Variants in PRKG1 observed in about 807,000 individuals in gnomAD.
PRKG1 encodes protein kinase cGMP-dependent 1.
In PRKG1, 35 loss-of-function variants were observed where a neutral mutation model predicts 88.1. The observed-to-expected ratio is 0.40, with a 90% confidence interval of 0.30 to 0.53. The LOEUF (loss-of-function observed/expected upper bound fraction) is 0.53, where lower values mean the gene tolerates loss of function less well. Among genes scored for constraint, PRKG1 ranks in the 20% least tolerant of loss-of-function variants. The probability of loss-of-function intolerance (pLI) is 0.59; values close to 1 mark genes in which losing one functional copy is unlikely to be tolerated. For synonymous variants in PRKG1, 303 were observed against 292.5 expected (o/e 1.04, Z -0.37); for missense variants, 540 against 839.8 (o/e 0.64, Z 4.41).
At chr10:51,627,953 T>A (rs146096595) in intron 3 of PRKG1, among the ~76,000 whole-genome samples, 3 of 33,910 alleles carry the variant, frequency 8.8e-5, no homozygotes, top group Middle Eastern at 0.019. Context: ...TTTCTTTCTT[T>A]CTTTCTTTCT....
chr10:50,991,170 C>T lies in PRKG1; in HGVS notation c.-209C>T. 1.6e-6 allele frequency: 1 copy of T among 617,104 alleles called. No homozygotes were observed. Among genetic ancestry groups the T allele is most frequent in the Non-Finnish European group, 2.6e-6 (1 of 380,218 alleles). 38.2% of individuals were successfully genotyped at this position (617,104 alleles called of 1,614,324 possible). On this transcript the variant is annotated 5_prime_UTR_variant, in exon 1 of 18. Coordinates refer to the PRKG1 transcript ENST00000401604. This position sits in a 1 kb window ranked among gnomAD's most constrained non-coding sequence, Gnocchi z 4.5. ...GCTTTTAGACTTCTCATCCTCCCCT[C>T]GGTGCTTTTAGTCCATTCAGCAGAA...
intron 3 of PRKG1, among the ~76,000 whole-genome samples, chr10:51,644,624 C>T (rs1272689016): frequency 6.6e-6 from 1 of 151,994 alleles, no homozygotes; most frequent in East Asian, 1.9e-4. Flanking sequence ...ATAAGATGGT[C>T]CAGACTTATC....
chr10:51,104,698 T>TTTTATTTATTTATTTA (rs35238475), intron 1 of PRKG1, among the ~76,000 whole-genome samples: 2 of 136,154 alleles, frequency 1.5e-5, no homozygotes. Context: ...TTTATTTTTA[T>TTTTATTTATTTATTTA]TTTATTTATT....
chr10:51,205,244 A>G lies in PRKG1; in HGVS notation c.478+51914A>G, dbSNP rs1838026252. Among the ~76,000 whole-genome samples the G allele has an allele frequency of 3.4e-5, 5 of 145,308 alleles. No homozygotes were observed. In the Admixed American group the frequency reaches 3.6e-4, roughly 10 times the overall value. ...CACCTCTGCCTCCCAGGTTCAAGCA[A>G]TTCTCCTGCCTCAGCTTCCAGAGTA... On this transcript the variant is annotated intron_variant, in intron 2 of 17. Coordinates refer to ENST00000373980, the MANE Select transcript of PRKG1 (RefSeq NM_006258.4).
intron 3 of PRKG1, among the ~76,000 whole-genome samples, chr10:51,667,027 C>T (rs1390268824): frequency 6.6e-6 from 1 of 152,036 alleles, no homozygotes; most frequent in African/African-American, 2.4e-5. Context: ...GTCTCGAACT[C>T]CTGGGCTCAA....
At chr10:51,904,522 T>G (rs1367298880) in intron 4 of PRKG1, among the ~76,000 whole-genome samples, 1 of 152,112 alleles carries the variant, frequency 6.6e-6, no homozygotes. Flanking sequence ...AGCAAATTAA[T>G]TACGTGACAG....
intron 7 of PRKG1, among the ~76,000 whole-genome samples, chr10:52,063,621 A>T (rs886905552): frequency 1.4e-4 from 22 of 152,322 alleles, no homozygotes; most frequent in Admixed American, 1.2e-3. Context: ...AGACAAGTGG[A>T]GGTTGAACAG....
At chr10:52,088,782 T>C (rs1435122375) in intron 7 of PRKG1, among the ~76,000 whole-genome samples, 2 of 152,184 alleles carry the variant, frequency 1.3e-5, no homozygotes, top group Admixed American at 1.3e-4. Flanking sequence ...CATTATTTGT[T>C]TCTATGTTAT....
Position 51,823,899 on chromosome 10 carries a change from G to T in PRKG1, c.698+19209G>T, listed in dbSNP as rs554822925. Among the ~76,000 whole-genome samples the T allele has an allele frequency of 3.6e-4, 35 of 97,126 alleles. 1 individual carries two copies. In the South Asian group the frequency reaches 9.9e-3, roughly 27 times the overall value. The allele number at this position is 97,126 out of a possible 152,430, so 63.7% of individuals were successfully genotyped here. ...TTTTTTTTTTTTTTTTTTAAGACAA[G>T]ATCTTGCTCTGTCACCTGGGCTAGA... On this transcript the variant is annotated intron_variant, in intron 4 of 17. Coordinates refer to ENST00000373980, the MANE Select transcript of PRKG1 (RefSeq NM_006258.4).
At chr10:51,839,190 A>C (rs990893801) in intron 4 of PRKG1, among the ~76,000 whole-genome samples, 1 of 152,154 alleles carries the variant, frequency 6.6e-6, no homozygotes, top group Non-Finnish European at 1.5e-5. Context: ...TTCAGAATTA[A>C]AATGATTTTG....
At chr10:52,293,120 GACAA>G (rs1180779168) in intron 17 of PRKG1, among the ~76,000 whole-genome samples, 1 of 148,956 alleles carries the variant, frequency 6.7e-6, no homozygotes, top group Non-Finnish European at 1.5e-5. Flanking sequence ...ACCAATAACA[GACAA>G]ACAGAGAGCC....
At position 51,225,722 on chromosome 10, in the gene PRKG1, C is replaced by T. The variant is rs527763630; in HGVS notation, c.478+72392C>T. On this transcript the variant is annotated intron_variant, in intron 2 of 17. Coordinates refer to ENST00000373980, the MANE Select transcript of PRKG1 (RefSeq NM_006258.4). The stretch of plus-strand genomic sequence containing the variant: ...GGTGTTGCTTTTTAAGTGAATGTGG[C>T]TATAAACTGAGACTTTAAAAAATCT... 9.9e-5 allele frequency among the ~76,000 whole-genome samples: 15 copies of T among 151,846 alleles called. No homozygotes were observed. The South Asian group carries it at 3.1e-3, about 32-fold the overall frequency.
At chr10:52,256,562 C>CTCAAAATAGT (rs1841312816) in intron 10 of PRKG1, among the ~76,000 whole-genome samples, 1 of 139,362 alleles carries the variant, frequency 7.2e-6, no homozygotes, top group African/African-American at 2.5e-5. Context: ...AGTTAAAGCC[C>CTCAAAATAGT]TCAAAATAGT....
At chr10:51,858,409 A>ATATATAT (rs1840773946) in intron 4 of PRKG1, among the ~76,000 whole-genome samples, 4 of 28,522 alleles carry the variant, frequency 1.4e-4, no homozygotes, top group Non-Finnish European at 2.6e-4. Context: ...AATATATATA[A>ATATATAT]AATATATATA....
chr10:51,059,711 T>A (rs1843673110), intron 1 of PRKG1, among the ~76,000 whole-genome samples: 1 of 152,236 alleles, frequency 6.6e-6, no homozygotes, highest in African/African-American at 2.4e-5. Context: ...CTGACATTTG[T>A]TGAGACTTGT....
intron 5 of PRKG1, among the ~76,000 whole-genome samples, chr10:51,955,087 T>C (rs1352708714): frequency 1.3e-5 from 2 of 152,214 alleles, no homozygotes; most frequent in Non-Finnish European, 2.9e-5. Flanking sequence ...CATAATTTTG[T>C]AGTTGGCTTT....
intron 9 of PRKG1, among the ~76,000 whole-genome samples, chr10:52,172,170 T>C (rs780988121): frequency 3.3e-5 from 5 of 152,210 alleles, no homozygotes; most frequent in Non-Finnish European, 7.3e-5. Flanking sequence ...TCTTTGAGAC[T>C]CTCTAGGTAA....
At chr10:51,744,776 G>T (rs1225591413) in intron 3 of PRKG1, among the ~76,000 whole-genome samples, 2 of 152,092 alleles carry the variant, frequency 1.3e-5, no homozygotes, top group Admixed American at 6.6e-5. Flanking sequence ...ATTAATCATG[G>T]GTCTTCCAGT....
chr10:52,035,936 A>G (rs1845597712), intron 5 of PRKG1, among the ~76,000 whole-genome samples: 1 of 152,320 alleles, frequency 6.6e-6, no homozygotes, highest in East Asian at 1.9e-4. Context: ...GCTCTTGTGT[A>G]AGAATTCTGA....
Sources: gnomAD v4.1 joint callset for allele counts (sites outside exome capture counted in the v4.1 genomes callset) on GRCh38, gnomAD v4.1.1 for gene constraint, Gnocchi (gnomAD v3.1) non-coding constraint, MANE v1.5 for transcripts, NCBI Gene and HGNC (gene_info 2026-07-23, HGNC 2026-07-21) for gene names.